The following GREM2 variants were observed in gnomAD, a reference collection of about 807,000 sequenced individuals.
GREM2 encodes the protein gremlin-2.
GREM2 carries 11 observed loss-of-function variants against 14.2 expected under a neutral mutation model. The ratio of observed to expected loss-of-function variants is 0.78; its 90% confidence interval spans 0.49 to 1.28. The LOEUF (loss-of-function observed/expected upper bound fraction) is 1.28. Among genes scored for constraint, GREM2 ranks in the 50% most tolerant of loss-of-function variants. The probability of loss-of-function intolerance (pLI) is 0.00; values close to 1 mark genes in which losing one functional copy is unlikely to be tolerated. For synonymous variants in GREM2, 98 were observed against 97.6 expected, an observed-to-expected ratio of 1.00 and a Z score of -0.02; for missense variants, 210 against 218.5, an observed-to-expected ratio of 0.96 and a Z score of 0.24.
intron 1 of GREM2, among the ~76,000 whole-genome samples, chr1:240,521,322 A>T (rs894450727): frequency 9.8e-5 from 15 of 152,308 alleles, no homozygotes; most frequent in East Asian, 1.9e-4. Flanking sequence ...TAATCCCAGC[A>T]CTTTAGCAGG....
chr1:240,524,466 A>C (rs1183330608), intron 1 of GREM2, among the ~76,000 whole-genome samples: 4 of 152,242 alleles, frequency 2.6e-5, no homozygotes, highest in Non-Finnish European at 5.9e-5. Context: ...GAATTTAAGA[A>C]GTGATTTATG....
chr1:240,552,199 C>T (rs1269083372), intron 1 of GREM2, among the ~76,000 whole-genome samples: 2 of 152,136 alleles, frequency 1.3e-5, no homozygotes, highest in Non-Finnish European at 2.9e-5. Context: ...AGACACTCAA[C>T]TAAAGGAATT....
chr1:240,581,148 G>C (rs1679475127), intron 1 of GREM2, among the ~76,000 whole-genome samples: 1 of 151,970 alleles, frequency 6.6e-6, no homozygotes, highest in South Asian at 2.1e-4. Context: ...TACTTGGGAG[G>C]CTGAGGCAAG....
At chr1:240,537,621 C>CT (rs1678501769) in intron 1 of GREM2, among the ~76,000 whole-genome samples, 1 of 152,088 alleles carries the variant, frequency 6.6e-6, no homozygotes, top group South Asian at 2.1e-4. Flanking sequence ...CCCATGTCTA[C>CT]TAAAAATACA....
Position 240,503,331 on chromosome 1 carries a change from T to TA in GREM2, c.-1-9856dup, listed in dbSNP as rs576208911. 1.8e-3 allele frequency among the ~76,000 whole-genome samples: 270 copies of TA among 152,144 alleles called. 1 individual carries two copies. Among genetic ancestry groups the TA allele is most frequent in the African/African-American group, 6.4e-3 (266 of 41,506 alleles). On this transcript the variant is annotated intron_variant, in intron 1 of 1. Coordinates refer to ENST00000318160, the MANE Select transcript of GREM2 (RefSeq NM_022469.4). ...ATTCCTCACTTCTTAATCCCACTGT[T>TA]ACCACTTTGGTTTAGATCCTCATCA...
At chr1:240,508,558 A>G (rs1177560868) in intron 1 of GREM2, among the ~76,000 whole-genome samples, 1 of 152,210 alleles carries the variant, frequency 6.6e-6, no homozygotes, top group Non-Finnish European at 1.5e-5. Flanking sequence ...TGAACTTTTG[A>G]AGTATTTGTA....
chr1:240,524,524 G>A lies in GREM2; in HGVS notation c.-1-31048C>T, dbSNP rs146185003. ...AATTATAGATTTTACAATAAATGGTGTTGGGACAACTGACAAGTAATCTGT... is the reference window on the plus strand; with the variant it reads ...AATTATAGATTTTACAATAAATGGTATTGGGACAACTGACAAGTAATCTGT... On this transcript the variant is annotated intron_variant, in intron 1 of 1. Coordinates refer to ENST00000318160, the MANE Select transcript of GREM2 (RefSeq NM_022469.4). Among the ~76,000 whole-genome samples, 24 of 152,338 alleles carry A rather than the reference G, an allele frequency of 1.6e-4. No homozygotes were observed. In the East Asian group the frequency reaches 4.6e-3, roughly 29 times the overall value.
At chr1:240,590,433 T>TA (rs1331778072) in intron 1 of GREM2, among the ~76,000 whole-genome samples, 1 of 83,746 alleles carries the variant, frequency 1.2e-5, no homozygotes, top group African/African-American at 8.6e-5. Flanking sequence ...TTTTCTTTCT[T>TA]TTTTTTTTTT....
chr1:240,513,410 A>G (rs922486666), intron 1 of GREM2, among the ~76,000 whole-genome samples: 2 of 152,044 alleles, frequency 1.3e-5, no homozygotes, highest in African/African-American at 4.8e-5. Context: ...CCCCATCTCT[A>G]CTAAAAATAT....
Position 240,501,451 on chromosome 1 carries a change from ATTAC to A in GREM2, c.-1-7979_-1-7976del, listed in dbSNP as rs564778396. 1.2e-4 allele frequency among the ~76,000 whole-genome samples: 19 copies of A among 152,374 alleles called. 1 individual carries two copies. In the South Asian group the frequency reaches 3.9e-3, roughly 32 times the overall value. On this transcript the variant is annotated intron_variant, in intron 1 of 1. Coordinates refer to ENST00000318160, the MANE Select transcript of GREM2 (RefSeq NM_022469.4). ...TCAACAGAGAAGAAATGATACTATC[ATTAC>A]TTACTTTGACTTCTGGACAGCAAAT...
At chr1:240,527,716 A>T (rs537640184) in intron 1 of GREM2, among the ~76,000 whole-genome samples, 3 of 152,360 alleles carry the variant, frequency 2.0e-5, no homozygotes, top group African/African-American at 7.2e-5. Flanking sequence ...TCTCTACCAC[A>T]GTACACAAAT....
At chr1:240,517,147 T>G (rs1677974199) in intron 1 of GREM2, among the ~76,000 whole-genome samples, 1 of 152,214 alleles carries the variant, frequency 6.6e-6, no homozygotes, top group Non-Finnish European at 1.5e-5. Flanking sequence ...AGTCCCATTT[T>G]CCACATGAGA....
chr1:240,577,562 T>C (rs1222258993), intron 1 of GREM2, among the ~76,000 whole-genome samples: 2 of 152,238 alleles, frequency 1.3e-5, no homozygotes, highest in Admixed American at 1.3e-4. Context: ...ACAATTTACA[T>C]GCATGTTTTC....
intron 1 of GREM2, 21 bp from the exon 2 acceptor site, chr1:240,493,497 G>A (rs11806449): frequency 0.2 from 322,141 of 1,578,470 alleles, 35,210 homozygotes; most frequent in South Asian, 0.33. Flanking sequence ...GAAAAGAGAG[G>A]GGCTGGCTGT....
At chr1:240,529,233 G>A (rs1050955238) in intron 1 of GREM2, among the ~76,000 whole-genome samples, 1 of 130,352 alleles carries the variant, frequency 7.7e-6, no homozygotes, top group Non-Finnish European at 1.6e-5. Context: ...TGAACCAGTG[G>A]ATAGGCTTTT....
intron 1 of GREM2, among the ~76,000 whole-genome samples, chr1:240,535,181 C>G (rs1678448643): frequency 6.6e-6 from 1 of 152,056 alleles, no homozygotes. Context: ...TTGAGTAATA[C>G]TTTACATTAC....
intron 1 of GREM2, among the ~76,000 whole-genome samples, chr1:240,547,176 A>G (rs1678744500): frequency 6.6e-6 from 1 of 152,056 alleles, no homozygotes; most frequent in African/African-American, 2.4e-5. Flanking sequence ...CAAAAGAAGG[A>G]GTAGATGGGA....
Position 240,547,499 on chromosome 1 carries a change from C to CAAA in GREM2, c.-1-54026_-1-54024dup, listed in dbSNP as rs200373636. Among the ~76,000 whole-genome samples, 513 of 87,552 alleles carry CAAA rather than the reference C, an allele frequency of 5.9e-3. 16 individuals are homozygous for CAAA. Among genetic ancestry groups the CAAA allele is most frequent in the East Asian group, 0.056 (165 of 2,926 alleles). The allele number at this position is 87,552 out of a possible 152,430, so 57.4% of individuals were successfully genotyped here. ...TGGGCGACAGAGTGAGACTCCATCT[C>CAAA]AAAAAAAAAAAAAAAATATATATAT... On this transcript the variant is annotated intron_variant, in intron 1 of 1. Coordinates refer to ENST00000318160, the MANE Select transcript of GREM2 (RefSeq NM_022469.4).
In GREM2 at chr1:240,510,867, G is replaced by A. The variant is rs150580090; in HGVS notation, c.-1-17391C>T. On this transcript the variant is annotated intron_variant, in intron 1 of 1. Coordinates refer to ENST00000318160, the MANE Select transcript of GREM2 (RefSeq NM_022469.4). Reference sequence around the variant, plus strand: ...AAAGTGGCATTAGGTATGAACCAAGGTAACCAGCTTTTCTTTTTAAAAAAC... The same window carrying A: ...AAAGTGGCATTAGGTATGAACCAAGATAACCAGCTTTTCTTTTTAAAAAAC... 2.5e-4 allele frequency among the ~76,000 whole-genome samples: 38 copies of A among 152,256 alleles called. 1 individual carries two copies. Among genetic ancestry groups the A allele is most frequent in the African/African-American group, 9.1e-4 (38 of 41,542 alleles).
Sources: gnomAD v4.1 joint callset for allele counts (sites outside exome capture counted in the v4.1 genomes callset) on GRCh38, gnomAD v4.1.1 for gene constraint, MANE v1.5 for transcripts, NCBI Gene and HGNC (gene_info 2026-07-23, HGNC 2026-07-21) for gene names.